Variants in RNF123 observed in about 807,000 individuals in gnomAD.
The protein encoded by RNF123 is E3 ubiquitin-protein ligase RNF123.
Under a neutral mutation model 168.5 loss-of-function variants are expected in RNF123, and 86 were observed. The ratio of observed to expected loss-of-function variants is 0.51; its 90% CI spans 0.43 to 0.61. RNF123 has a LOEUF of 0.61. Among genes scored for constraint, RNF123 ranks in the 20% least tolerant of loss-of-function variants. The pLI, the probability that RNF123 is intolerant of heterozygous loss-of-function variation, is 0.00. For synonymous variants in RNF123, 666 were observed against 689.1 expected (o/e 0.97, Z 0.52); for missense variants, 1,419 against 1,729.7 (o/e 0.82, Z 3.19).
rs376631445 is a variant in RNF123, at chr3:49,691,478, T to C, written c.136T>C (p.Ser46Pro). The C allele has an allele frequency of 1.2e-6, 2 of 1,614,052 alleles. No homozygotes were observed. Among genetic ancestry groups the C allele is most frequent in the African/African-American group, 2.7e-5 (2 of 74,924 alleles). ...NDYLNRIFSS[S>P]EHAPPAATSR... ...CTACCTGAACCGCATCTTTTCCTCT[T>C]CTGAACATGCACCCCCAGCAGCCAC... The change falls in exon 3 of 39, where the codon TCT becomes CCT. Residue 46 changes from serine to proline, a missense_variant. Ser to Pro is a moderately conservative substitution (Grantham distance 74, BLOSUM62 -1). Coordinates refer to ENST00000327697, the MANE Select transcript of RNF123 (RefSeq NM_022064.5).
rs561968110 is a variant in RNF123 at position 49,702,533 on chromosome 3, C to G, written c.1630-100C>G. ...CCCAAGCTTTTCTCTGCTGCTTTTCCCTCCCTGCTTAACCCTCGACCCTCA... is the reference window on the plus strand; with the variant it reads ...CCCAAGCTTTTCTCTGCTGCTTTTCGCTCCCTGCTTAACCCTCGACCCTCA... On this transcript the variant is annotated intron_variant, in intron 19 of 38. Coordinates refer to ENST00000327697, the MANE Select transcript of RNF123 (RefSeq NM_022064.5). 4 of 1,607,418 alleles carry G rather than the reference C, an allele frequency of 2.5e-6. No individual in the cohort carries two copies. In the Admixed American group the frequency reaches 6.7e-5, roughly 27 times the overall value.
chr3:49,710,382 C>T lies in RNF123; in HGVS notation c.2497-2097C>T, dbSNP rs112665180. On this transcript the variant is annotated intron_variant, in intron 26 of 38. Coordinates refer to ENST00000327697, the MANE Select transcript of RNF123 (RefSeq NM_022064.5). ...GCAACCTCTGCCTCCCAGGTTCAAG[C>T]GATTCTTCCACCTCGGCCTCCTGAG... 5.2e-3 allele frequency among the ~76,000 whole-genome samples: 798 copies of T among 152,096 alleles called. 9 individuals carry two copies. Among genetic ancestry groups the T allele is most frequent in the African/African-American group, 0.018 (753 of 41,492 alleles).
In RNF123 at chr3:49,699,766, G is replaced by A. The variant is rs758494161; in HGVS notation, c.978G>A (p.Pro326=). Residue 326 remains proline, a synonymous_variant, in exon 12 of 39, where the codon CCG becomes CCA. Coordinates refer to ENST00000327697, the MANE Select transcript of RNF123 (RefSeq NM_022064.5). This position sits in a 1 kb window ranked among gnomAD's most constrained non-coding sequence, Gnocchi z 4.8. ...TLAHIFHHFA[P]LLRKVYLVEA... is the part of the protein sequence containing the mutation. ...CCCACATCTTCCATCACTTTGCACC[G>A]CTTCTGGTGAGCGGCATTGGGAGGG... The A allele has an allele frequency of 2.0e-5, 33 of 1,613,154 alleles. No individual in the cohort carries two copies. The highest frequency in any genetic ancestry group is 9.9e-5 in the South Asian group (9 of 91,056).
chr3:49,718,332 G>T, intron 35 of RNF123: 1 of 1,613,380 alleles, frequency 6.2e-7, no homozygotes, highest in Non-Finnish European at 8.5e-7. Context: ...TGAAAGCCTC[G>T]GGCTCTGGGC....
Position 49,701,538 on chromosome 3 carries a change from T to A in RNF123, c.1325T>A (p.Leu442Gln). Residue 442 changes from leucine to glutamine, a missense_variant, in exon 16 of 39, where the codon CTG becomes CAG. Coordinates refer to ENST00000327697, the MANE Select transcript of RNF123 (RefSeq NM_022064.5). ...GTCTTCTTTTACATCAAGAGCCCCC[T>A]GCGTGTGGAGGAGGCCGGCCTGCAG... Reference protein sequence around the residue: ...SVVFFYIKSPLRVEEAGLQEL... With the variant: ...SVVFFYIKSPQRVEEAGLQEL... 6.2e-7 allele frequency: 1 copy of A among 1,613,812 alleles called. No individual in the cohort carries two copies. Among genetic ancestry groups the A allele is most frequent in the Non-Finnish European group, 8.5e-7 (1 of 1,180,002 alleles).
rs2054410843 is a variant in RNF123 at position 49,702,031 on chromosome 3, C to A, written c.1496-52C>A. ...CTGGTGGTGGAGCCCTGGCCCAAACCTGCCCCCCATCTCCTGGAGCCTGAG... is the reference window on the plus strand; with the variant it reads ...CTGGTGGTGGAGCCCTGGCCCAAACATGCCCCCCATCTCCTGGAGCCTGAG... On this transcript the variant is annotated intron_variant, in intron 17 of 38. Coordinates refer to ENST00000327697, the MANE Select transcript of RNF123 (RefSeq NM_022064.5). 1.2e-5 allele frequency: 19 copies of A among 1,594,838 alleles called. No homozygotes were observed. In the South Asian group the frequency reaches 2.1e-4, roughly 18 times the overall value.
chr3:49,715,966 T>C lies in RNF123; in HGVS notation c.3295T>C (p.Trp1099Arg), dbSNP rs1270747581. ...ITLVPEIFLD[W>R]TRPTSEMLLR... ...ACTGGTGCCTGAGATATTCCTTGACTGGACCCGGCCTACCTCTGAGATGCT... is the reference window on the plus strand; with the variant it reads ...ACTGGTGCCTGAGATATTCCTTGACCGGACCCGGCCTACCTCTGAGATGCT... Residue 1099 changes from tryptophan (W) to arginine (R), a missense_variant, in exon 33 of 39, where the codon TGG (tryptophan) becomes CGG (arginine). Transcript: ENST00000327697. The C allele has an allele frequency of 1.9e-6, 3 of 1,613,896 alleles. No homozygotes were observed. Among genetic ancestry groups the C allele is most frequent in the Non-Finnish European group, 2.5e-6 (3 of 1,180,040 alleles).
At chr3:49,716,753 G>A in intron 35 of RNF123, 1 of 437,936 alleles carries the variant, frequency 2.3e-6, no homozygotes, top group Non-Finnish European at 4.2e-6. Flanking sequence ...ATGGGAGGCA[G>A]GACTCCGGAG....
At chr3:49,715,369 G>C in intron 31 of RNF123, 1 of 625,600 alleles carries the variant, frequency 1.6e-6, no homozygotes, top group Non-Finnish European at 2.8e-6. Flanking sequence ...GCAGCCTGGG[G>C]CTTGCCTAGT....
chr3:49,695,937 C>T (rs191638724), intron 3 of RNF123, among the ~76,000 whole-genome samples: 1,835 of 152,338 alleles, frequency 0.012, 33 homozygotes, highest in African/African-American at 0.042. Context: ...TTTCCCAACT[C>T]CTTTGGCTCG....
chr3:49,713,682 A>G (rs2080186317), intron 28 of RNF123, 56 bp from the exon 29 acceptor site: 10 of 1,571,364 alleles, frequency 6.4e-6, no homozygotes, highest in South Asian at 3.5e-5. Context: ...GTGGGCATGA[A>G]GTATGGGTCC....
chr3:49,720,709 C>T (rs1332131598), intron 36 of RNF123, 56 bp downstream of exon 36: 2 of 1,602,916 alleles, frequency 1.2e-6, no homozygotes, highest in Non-Finnish European at 1.7e-6. Flanking sequence ...GGGTCAGGAG[C>T]CTTAAGAACA....
At chr3:49,717,541 A>G (rs2108202507) in intron 35 of RNF123, 1 of 227,114 alleles carries the variant, frequency 4.4e-6, no homozygotes, top group Non-Finnish European at 8.8e-6. Context: ...GAGCTGTCTC[A>G]GCCCCTGAGG....
At chr3:49,697,514 GC>G in intron 5 of RNF123, 57 bp downstream of exon 5, 2 of 1,378,962 alleles carry the variant, frequency 1.5e-6, no homozygotes, top group Non-Finnish European at 2.0e-6. Context: ...ATAGCCCCAG[GC>G]TCCTCCTGAT....
chr3:49,719,333 G>C (rs1474776442), intron 35 of RNF123: 1 of 1,613,226 alleles, frequency 6.2e-7, no homozygotes, highest in Non-Finnish European at 8.5e-7. Context: ...GTGCAGCTTA[G>C]CAGGTCGGCA....
At chr3:49,713,061 C>T in intron 27 of RNF123, 1 of 624,086 alleles carries the variant, frequency 1.6e-6, no homozygotes, top group South Asian at 1.8e-5. Context: ...GGGGGTGGAC[C>T]CTGCTAGGGT....
At position 49,716,406 on chromosome 3, in the gene RNF123, G is replaced by A. The variant is rs763109220; in HGVS notation, c.3429G>A (p.Val1143=). The A allele has an allele frequency of 4.3e-6, 7 of 1,613,908 alleles. No individual in the cohort carries two copies. The Admixed American group carries it at 6.7e-5, about 15-fold the overall frequency. Residue 1143 remains valine, a synonymous_variant, in exon 35 of 39, where the codon GTG becomes GTA. Coordinates refer to ENST00000327697, the MANE Select transcript of RNF123 (RefSeq NM_022064.5). ...CCTTCCCCTCAGGCCTAGAGAGCGT[G>A]GACCACTATCCCATTCTGGTGGCAG... ...VTLRLPGLES[V]DHYPILVAVT... is the part of the protein sequence containing the mutation.
At chr3:49,693,779 C>T (rs1282340468) in intron 3 of RNF123, among the ~76,000 whole-genome samples, 1 of 152,160 alleles carries the variant, frequency 6.6e-6, no homozygotes, top group East Asian at 1.9e-4. Flanking sequence ...TATTGCCTGT[C>T]TTTTGGATAA....
intron 25 of RNF123, among the ~76,000 whole-genome samples, chr3:49,706,573 G>A (rs2054524437): frequency 6.6e-6 from 1 of 152,228 alleles, no homozygotes; most frequent in Non-Finnish European, 1.5e-5. Flanking sequence ...CCCCAGCTGG[G>A]CCTCACTTCC....
Sources: gnomAD v4.1 joint callset for allele counts (sites outside exome capture counted in the v4.1 genomes callset) on GRCh38, gnomAD v4.1.1 for gene constraint, Gnocchi (gnomAD v3.1) non-coding constraint, MANE v1.5 for transcripts, NCBI Gene and HGNC (gene_info 2026-07-23, HGNC 2026-07-21) for gene names.